The following LIN9 variants were observed in gnomAD, a reference collection of about 807,000 sequenced individuals.
The protein encoded by LIN9 is lin-9 DREAM MuvB core complex component, also known as protein lin-9 homolog.
In LIN9, 18 loss-of-function variants were observed where a neutral mutation model predicts 78.0. That is an observed-to-expected ratio of 0.23 (90% CI 0.16 to 0.34). The LOEUF (loss-of-function observed/expected upper bound fraction) is 0.34, where lower values mean the gene tolerates loss of function less well. Among genes scored for constraint, LIN9 ranks in the 10% least tolerant of loss-of-function variants. LIN9 has a pLI of 1.00. For synonymous variants in LIN9, 192 were observed against 215.2 expected, an observed-to-expected ratio of 0.89 and a Z score of 0.94; for missense variants, 451 against 644.1, an observed-to-expected ratio of 0.70 and a Z score of 3.25.
chr1:226,305,224 CT>C (rs1662826789), intron 1 of LIN9, among the ~76,000 whole-genome samples: 1 of 143,630 alleles, frequency 7.0e-6, no homozygotes, highest in Admixed American at 7.3e-5. Context: ...AATCTCAGCA[CT>C]TTGGAAGGCT....
At chr1:226,290,910 CCA>C (rs1397555994) in intron 4 of LIN9, among the ~76,000 whole-genome samples, 1 of 152,032 alleles carries the variant, frequency 6.6e-6, no homozygotes, top group Non-Finnish European at 1.5e-5. Context: ...GCACGTGCCG[CCA>C]CACCTGGCTA....
chr1:226,236,756 G>T (rs1160920778), intron 12 of LIN9, among the ~76,000 whole-genome samples: 2 of 151,986 alleles, frequency 1.3e-5, no homozygotes, highest in African/African-American at 4.8e-5. Context: ...CGCACCCGGC[G>T]TGTCTGACTT....
At chr1:226,252,831 G>T (rs1462152007) in intron 10 of LIN9, among the ~76,000 whole-genome samples, 1 of 152,098 alleles carries the variant, frequency 6.6e-6, no homozygotes, top group African/African-American at 2.4e-5. Context: ...GCAGTGCGTG[G>T]TGGTGGACAC....
intron 6 of LIN9, among the ~76,000 whole-genome samples, chr1:226,278,154 C>T (rs965838750): frequency 2.0e-5 from 3 of 152,240 alleles, no homozygotes; most frequent in African/African-American, 4.8e-5. Context: ...ATCAGCCGGA[C>T]GTGGTGGCTC....
intron 11 of LIN9, among the ~76,000 whole-genome samples, chr1:226,248,527 A>G (rs1393501166): frequency 1.3e-5 from 2 of 152,228 alleles, no homozygotes; most frequent in Non-Finnish European, 2.9e-5. Context: ...TCTAAAATTT[A>G]TCCTACAGAT....
In LIN9 at chr1:226,287,806, TA is replaced by T. The variant is rs759424701; in HGVS notation, c.265-10del. ...ATTGTTGCTGTAAATTTCTATACAA[TA>T]AAAAAAAGAGATTAATTTATGGCTC... On this transcript the variant is annotated splice_polypyrimidine_tract_variant and intron_variant, in intron 4 of 14. Coordinates refer to ENST00000681046, the MANE Select transcript of LIN9 (RefSeq NM_001366245.2). The T allele has an allele frequency of 2.5e-4, 376 of 1,523,938 alleles. 3 individuals carry two copies. The Middle Eastern group carries it at 4.8e-3, about 20-fold the overall frequency. The allele number at this position is 1,523,938 out of a possible 1,614,324, so 94.4% of individuals were successfully genotyped here.
Position 226,265,523 on chromosome 1 carries a change from C to A in LIN9, c.1038+10G>T. 6.5e-7 allele frequency: 1 copy of A among 1,548,308 alleles called. No homozygotes were observed. The highest frequency in any genetic ancestry group is 8.9e-7 in the Non-Finnish European group (1 of 1,123,832). On this transcript the variant is annotated intron_variant, in intron 10 of 14. Coordinates refer to ENST00000681046, the MANE Select transcript of LIN9 (RefSeq NM_001366245.2). The surrounding 1 kb of genome is among the most constrained non-coding windows in gnomAD (Gnocchi z 4.1). ...AAACAAACAGCCAAGATATTCAGAACAATTCTTACCACTTGGATAAGAAAT... is the reference window on the plus strand; with the variant it reads ...AAACAAACAGCCAAGATATTCAGAAAAATTCTTACCACTTGGATAAGAAAT...
At chr1:226,257,492 A>G (rs1020393536) in intron 10 of LIN9, among the ~76,000 whole-genome samples, 3 of 152,236 alleles carry the variant, frequency 2.0e-5, no homozygotes, top group Non-Finnish European at 4.4e-5. Context: ...AAATAAAATA[A>G]TGAGAGCAAT....
chr1:226,240,386 GTTTTT>G (rs34988388), intron 11 of LIN9, among the ~76,000 whole-genome samples: 2 of 124,014 alleles, frequency 1.6e-5, no homozygotes, highest in Admixed American at 8.2e-5. Context: ...CTTGTTCTAA[GTTTTT>G]TTTTTTTTTT....
At chr1:226,307,635 A>AAAAT (rs1157209782) in intron 1 of LIN9, among the ~76,000 whole-genome samples, 1 of 152,240 alleles carries the variant, frequency 6.6e-6, no homozygotes. Flanking sequence ...ACTCCATCTC[A>AAAAT]AAATAAATAA....
At chr1:226,309,003 T>C in intron 1 of LIN9, 106 bp downstream of exon 1, 1 of 1,149,832 alleles carries the variant, frequency 8.7e-7, no homozygotes. Flanking sequence ...GGGCTGGCAG[T>C]CAGCCCACCT....
intron 7 of LIN9, among the ~76,000 whole-genome samples, chr1:226,268,493 C>G (rs1049922383): frequency 6.6e-6 from 1 of 152,164 alleles, no homozygotes; most frequent in Non-Finnish European, 1.5e-5. Context: ...CCTGATGCTG[C>G]TATACTTAGG....
intron 10 of LIN9, among the ~76,000 whole-genome samples, chr1:226,254,775 G>C (rs922015798): frequency 5.3e-5 from 8 of 151,950 alleles, no homozygotes; most frequent in Admixed American, 2.0e-4. Flanking sequence ...GCCGGGCGTA[G>C]TGGAGGGTGA....
Position 226,238,828 on chromosome 1 carries a change from G to A in LIN9, c.1245+143C>T, listed in dbSNP as rs1657911940. 3 of 691,666 alleles carry A rather than the reference G, an allele frequency of 4.3e-6. No individual in the cohort carries two copies. The South Asian group carries it at 7.3e-5, about 17-fold the overall frequency. The allele number at this position is 691,666 out of a possible 1,614,324, so 42.8% of individuals were successfully genotyped here. ...AAGCACTCTTCAACACTGATGCTGG[G>A]AGGAGTAAGAAACTTTATATAATAC... On this transcript the variant is annotated intron_variant, in intron 12 of 14. Coordinates refer to ENST00000681046, the MANE Select transcript of LIN9 (RefSeq NM_001366245.2).
intron 11 of LIN9, among the ~76,000 whole-genome samples, chr1:226,248,460 AAAT>A (rs1658624487): frequency 6.6e-6 from 1 of 152,188 alleles, no homozygotes; most frequent in South Asian, 2.1e-4. Context: ...GATATGAAAA[AAAT>A]TTGTTCAGCC....
At position 226,277,676 on chromosome 1, in the gene LIN9, G is replaced by A. The variant is rs1033079252; in HGVS notation, c.682+99C>T. The A allele has an allele frequency of 1.4e-5, 15 of 1,047,784 alleles. No individual in the cohort carries two copies. The East Asian group carries it at 3.9e-4, about 27-fold the overall frequency. The allele number at this position is 1,047,784 out of a possible 1,614,324, so 64.9% of individuals were successfully genotyped here. On this transcript the variant is annotated intron_variant, in intron 7 of 14. Transcript: ENST00000681046. Reference sequence around the variant, plus strand: ...CGATGTCTATTGTAAATATTTCTTGGTAATTAAAAATGAAATAAAATAAGA... The same window carrying A: ...CGATGTCTATTGTAAATATTTCTTGATAATTAAAAATGAAATAAAATAAGA...
chr1:226,283,533 G>T (rs1661207460), intron 6 of LIN9, among the ~76,000 whole-genome samples: 1 of 152,090 alleles, frequency 6.6e-6, no homozygotes, highest in African/African-American at 2.4e-5. Flanking sequence ...AGATGTGATG[G>T]ATATTTCTGT....
At chr1:226,242,169 A>T (rs1480529317) in intron 11 of LIN9, among the ~76,000 whole-genome samples, 1 of 152,240 alleles carries the variant, frequency 6.6e-6, no homozygotes, top group Non-Finnish European at 1.5e-5. Flanking sequence ...TTGTACTGGT[A>T]GTTATCAAAC....
At chr1:226,305,027 G>A (rs1000516214) in intron 1 of LIN9, among the ~76,000 whole-genome samples, 8 of 151,806 alleles carry the variant, frequency 5.3e-5, no homozygotes, top group East Asian at 1.9e-4. Flanking sequence ...AAAGTTAGCC[G>A]GGCTTGGTGG....
Sources: gnomAD v4.1 joint callset for allele counts (sites outside exome capture counted in the v4.1 genomes callset) on GRCh38, gnomAD v4.1.1 for gene constraint, Gnocchi (gnomAD v3.1) non-coding constraint, MANE v1.5 for transcripts, NCBI Gene and HGNC (gene_info 2026-07-23, HGNC 2026-07-21) for gene names.